Variants in ZNF620 observed in about 807,000 individuals in gnomAD.
The protein encoded by ZNF620 is zinc finger protein 620.
In ZNF620, 10 loss-of-function variants were observed where a neutral mutation model predicts 13.3. The observed-to-expected ratio is 0.75, with a 90% CI of 0.46 to 1.28. The LOEUF (loss-of-function observed/expected upper bound fraction) is 1.28, where lower values mean the gene tolerates loss of function less well. Ranked by LOEUF, ZNF620 falls within the 50% of genes most tolerant of loss-of-function variation. The pLI is 0.00. For missense variants in ZNF620, 461 were observed against 500.2 expected (o/e 0.92, Z 0.75); for synonymous variants, 166 against 177.6 (o/e 0.93, Z 0.52).
At chr3:40,515,731 T>G in intron 4 of ZNF620, 129 bp from the exon 5 acceptor site, 1 of 1,178,696 alleles carries the variant, frequency 8.5e-7, no homozygotes, top group Non-Finnish European at 1.2e-6. Flanking sequence ...ATCCATATAT[T>G]CAGGGCAAAT....
chr3:40,515,079 T>C (rs1011544841), intron 4 of ZNF620, among the ~76,000 whole-genome samples: 29 of 152,326 alleles, frequency 1.9e-4, no homozygotes, highest in African/African-American at 7.0e-4. Flanking sequence ...ATCATGTGAG[T>C]TTAGTAGTTC....
Position 40,511,536 on chromosome 3 carries a change from G to C in ZNF620, c.91G>C (p.Val31Leu). The change falls in exon 3 of 5, where the codon GTG becomes CTG. Residue 31 changes from valine to leucine, a missense_variant. Transcript: ENST00000314529. ...TQNEWASLDS[V>L]QRALYREVML... ...GAATGAATGGGCCAGCCTGGACTCT[G>C]TGCAGAGGGCCCTGTACAGGGAAGT... The C allele has an allele frequency of 1.2e-6, 2 of 1,613,934 alleles. No individual in the cohort carries two copies. The highest frequency in any genetic ancestry group is 1.7e-6 in the Non-Finnish European group (2 of 1,179,890).
intron 4 of ZNF620, among the ~76,000 whole-genome samples, chr3:40,513,316 A>AAAAAATATATATATAT (rs1193351404): frequency 3.2e-5 from 2 of 62,682 alleles, no homozygotes; most frequent in East Asian, 6.9e-4. Flanking sequence ...AAAAAAAAAA[A>AAAAAATATATATATAT]ATATATATAT....
intron 2 of ZNF620, among the ~76,000 whole-genome samples, chr3:40,511,178 A>G (rs988720823): frequency 6.6e-6 from 1 of 152,120 alleles, no homozygotes; most frequent in African/African-American, 2.4e-5. Context: ...CAAAACCCAC[A>G]CTGGGGAAAG....
In ZNF620 at chr3:40,511,468, A is replaced by G; in HGVS notation, c.25-2A>G. 2 of 1,612,684 alleles carry G rather than the reference A, an allele frequency of 1.2e-6. No homozygotes were observed. The highest frequency in any genetic ancestry group is 1.7e-6 in the Non-Finnish European group (2 of 1,179,154). On this transcript the variant is annotated splice_acceptor_variant, in intron 2 of 4. Transcript: ENST00000314529. LOFTEE classifies it high-confidence loss of function. ...GGTTTGAGCAGGAACTTGTTGTTTT[A>G]GGAACCAGTGACCTTTGAGGATGTG...
chr3:40,506,417 T>A, intron 2 of ZNF620, 41 bp downstream of exon 2: 1 of 1,593,048 alleles, frequency 6.3e-7, no homozygotes, highest in Non-Finnish European at 8.6e-7. Context: ...CCTTTAGATG[T>A]CAAGAGAGAG....
chr3:40,512,559 T>C lies in ZNF620; in HGVS notation c.265+44T>C, dbSNP rs753923056. 5.0e-6 allele frequency: 7 copies of C among 1,386,470 alleles called. No individual in the cohort carries two copies. The South Asian group carries it at 8.0e-5, about 16-fold the overall frequency. 85.9% of individuals were successfully genotyped at this position (1,386,470 alleles called of 1,614,324 possible). On this transcript the variant is annotated intron_variant, in intron 4 of 4. Coordinates refer to ENST00000314529, the MANE Select transcript of ZNF620 (RefSeq NM_175888.4). Reference sequence around the variant, plus strand: ...TAGCTGCCTTTTTGGCTTGGCTTGCTTTCTTGTTTTCACATTTCATTGTGC... The same window carrying C: ...TAGCTGCCTTTTTGGCTTGGCTTGCCTTCTTGTTTTCACATTTCATTGTGC...
At chr3:40,514,030 C>T (rs978491125) in intron 4 of ZNF620, among the ~76,000 whole-genome samples, 6 of 152,144 alleles carry the variant, frequency 3.9e-5, no homozygotes, top group African/African-American at 1.4e-4. Flanking sequence ...CGTTACTTAG[C>T]AGACCGGGAA....
In ZNF620 at chr3:40,507,345, T is replaced by G. The variant is rs540664803; in HGVS notation, c.24+969T>G. On this transcript the variant is annotated intron_variant, in intron 2 of 4. Coordinates refer to ENST00000314529, the MANE Select transcript of ZNF620 (RefSeq NM_175888.4). Reference sequence around the variant, plus strand: ...GACCTCGTGATTCCCCCACCTTGGCTTCCCAAAGTGCTGGGATTACAGGCG... The same window carrying G: ...GACCTCGTGATTCCCCCACCTTGGCGTCCCAAAGTGCTGGGATTACAGGCG... 1.4e-3 allele frequency among the ~76,000 whole-genome samples: 215 copies of G among 152,262 alleles called. 2 individuals are homozygous for G. The highest frequency in any genetic ancestry group is 6.8e-3 in the Middle Eastern group (2 of 294).
At chr3:40,512,125 T>TG (rs912395663) in intron 3 of ZNF620, among the ~76,000 whole-genome samples, 13 of 152,144 alleles carry the variant, frequency 8.5e-5, no homozygotes, top group South Asian at 6.2e-4. Context: ...ACCCAAAACA[T>TG]GGGGGGGAAA....
chr3:40,506,505 A>G (rs1575284533), intron 2 of ZNF620, 129 bp downstream of exon 2: 2 of 1,098,850 alleles, frequency 1.8e-6, no homozygotes, highest in Non-Finnish European at 2.7e-6. Flanking sequence ...TATGAGAGGG[A>G]TGGAGAGGTG....
rs774728113 is a variant in ZNF620 at position 40,516,648 on chromosome 3, A to G, written c.1054A>G (p.Thr352Ala). ...GKRLSSNTAL[T>A]QHQRIHTGEK... ...ACGATTAAGCTCCAACACAGCCTTG[A>G]CTCAGCATCAGCGAATTCACACTGG... The change falls in exon 5 of 5, where the codon ACT (threonine) becomes GCT (alanine). Residue 352 changes from threonine to alanine, a missense_variant. Thr to Ala is a moderately conservative substitution (Grantham distance 58, BLOSUM62 0). Coordinates refer to ENST00000314529, the MANE Select transcript of ZNF620 (RefSeq NM_175888.4). 6.2e-7 allele frequency: 1 copy of G among 1,613,798 alleles called. No homozygotes were observed. Among genetic ancestry groups the G allele is most frequent in the Non-Finnish European group, 8.5e-7 (1 of 1,179,752 alleles).
chr3:40,516,078 T>A lies in ZNF620; in HGVS notation c.484T>A (p.Tyr162Asn). ...TACCTCAGCCAGGCACCATGAGGCC[T>A]ATGAGGTCAAGAATGGAGAGAAGTT... ...TDTSARHHEA[Y>N]EVKNGEKFEK... The change falls in exon 5 of 5, where the codon TAT becomes AAT. Residue 162 changes from tyrosine (Y) to asparagine (N), a missense_variant. Transcript: ENST00000314529. The A allele has an allele frequency of 6.2e-7, 1 of 1,614,116 alleles. No individual in the cohort carries two copies. Among genetic ancestry groups the A allele is most frequent in the Non-Finnish European group, 8.5e-7 (1 of 1,180,006 alleles).
At chr3:40,507,008 C>G (rs1475510059) in intron 2 of ZNF620, among the ~76,000 whole-genome samples, 1 of 150,302 alleles carries the variant, frequency 6.7e-6, no homozygotes, top group Non-Finnish European at 1.5e-5. Flanking sequence ...TCTTCTAGTA[C>G]TACTTTGGTG....
chr3:40,512,208 G>A (rs1196356851), intron 3 of ZNF620, among the ~76,000 whole-genome samples, 194 bp from the exon 4 acceptor site: 1 of 152,190 alleles, frequency 6.6e-6, no homozygotes, highest in African/African-American at 2.4e-5. Context: ...ATTCCCTTAT[G>A]TGAGCGTGGG....
Position 40,516,416 on chromosome 3 carries a change from C to T in ZNF620, c.822C>T (p.His274=), listed in dbSNP as rs748057910. Reference sequence around the variant, plus strand: ...CCTTGATTCAGCATCAGAGAATCCACACTGGAGAAAAGCCCTATGAATGTA... The same window carrying T: ...CCTTGATTCAGCATCAGAGAATCCATACTGGAGAAAAGCCCTATGAATGTA... ...DTALIQHQRI[H]TGEKPYECKE... is the part of the protein sequence containing the mutation. The change falls in exon 5 of 5, where the codon CAC becomes CAT. Residue 274 remains histidine (H), a synonymous_variant. Transcript: ENST00000314529. The T allele has an allele frequency of 6.2e-7, 1 of 1,614,240 alleles. No homozygotes were observed. Among genetic ancestry groups the T allele is most frequent in the Non-Finnish European group, 8.5e-7 (1 of 1,180,040 alleles).
chr3:40,518,578 A>G lies in ZNF620; in HGVS notation c.*1715A>G, dbSNP rs1470877960. The G allele has an allele frequency of 6.6e-6, 1 of 152,012 alleles. No individual in the cohort carries two copies. Among genetic ancestry groups the G allele is most frequent in the African/African-American group, 2.4e-5 (1 of 41,380 alleles). 9.4% of individuals were successfully genotyped at this position (152,012 alleles called of 1,614,324 possible). ...CCCTGTCTCTACTAAAAGTACAAAA[A>G]ATTAGCTGGGCGTGGGGTGACATGT... On this transcript the variant is annotated 3_prime_UTR_variant, in exon 5 of 5. Coordinates refer to ENST00000314529, the MANE Select transcript of ZNF620 (RefSeq NM_175888.4).
chr3:40,515,751 T>A, intron 4 of ZNF620, 109 bp from the exon 5 acceptor site: 1 of 1,383,092 alleles, frequency 7.2e-7, no homozygotes, highest in South Asian at 1.5e-5. Context: ...TTAGAACCAC[T>A]TGATTCTGTT....
Position 40,511,781 on chromosome 3 carries a change from A to G in ZNF620, c.151+185A>G, listed in dbSNP as rs111782270. 0.041 allele frequency among the ~76,000 whole-genome samples: 6,259 copies of G among 151,926 alleles called. 456 individuals are homozygous for G. Among genetic ancestry groups the G allele is most frequent in the African/African-American group, 0.14 (5,896 of 41,398 alleles). On this transcript the variant is annotated intron_variant, in intron 3 of 4. Coordinates refer to ENST00000314529, the MANE Select transcript of ZNF620 (RefSeq NM_175888.4). ...ACTACAACCTCCACCTCCCAGGTTC[A>G]AGCGATTCTTCTGCCTCAGCCTCCA...
Sources: allele counts gnomAD v4.1 joint callset (sites outside exome capture counted in the v4.1 genomes callset), GRCh38; gene constraint gnomAD v4.1.1; transcripts MANE v1.5; gene names NCBI Gene and HGNC (gene_info 2026-07-23, HGNC 2026-07-21).